Variants in SPOCK3 observed in about 807,000 individuals in gnomAD.
SPOCK3 encodes the protein testican-3.
SPOCK3 carries 30 observed loss-of-function variants against 56.6 expected under a neutral mutation model. That is an observed-to-expected ratio of 0.53 (90% CI 0.40 to 0.72). The LOEUF (loss-of-function observed/expected upper bound fraction) is 0.72. SPOCK3 is among the 30% of genes least tolerant of loss of function. The probability of loss-of-function intolerance (pLI) is 0.00; values close to 1 mark genes in which losing one functional copy is unlikely to be tolerated. For synonymous variants in SPOCK3, 196 were observed against 183.3 expected (o/e 1.07, Z -0.56); for missense variants, 527 against 530.0 (o/e 0.99, Z 0.06).
At chr4:166,991,092 A>G (rs1231732949) in intron 4 of SPOCK3, among the ~76,000 whole-genome samples, 1 of 151,914 alleles carries the variant, frequency 6.6e-6, no homozygotes, top group Non-Finnish European at 1.5e-5. Flanking sequence ...TCTTTTTTTA[A>G]GTCTCCTTAT....
At chr4:166,861,780 T>C (rs922777074) in intron 6 of SPOCK3, among the ~76,000 whole-genome samples, 1 of 152,126 alleles carries the variant, frequency 6.6e-6, no homozygotes, top group Non-Finnish European at 1.5e-5. Context: ...TGTGTTGCAA[T>C]GAAAACTTCA....
At chr4:167,002,167 C>A (rs1749011532) in intron 3 of SPOCK3, among the ~76,000 whole-genome samples, 1 of 152,006 alleles carries the variant, frequency 6.6e-6, no homozygotes, top group Non-Finnish European at 1.5e-5. Flanking sequence ...CCATGTTGGC[C>A]AGGCAGCTCT....
intron 4 of SPOCK3, among the ~76,000 whole-genome samples, chr4:166,990,859 T>C (rs1378895792): frequency 2.6e-5 from 4 of 152,050 alleles, no homozygotes; most frequent in Admixed American, 6.6e-5. Context: ...AGAAATATAA[T>C]TGATGAACTG....
chr4:167,062,221 A>T (rs1755678651), intron 3 of SPOCK3, among the ~76,000 whole-genome samples: 2 of 151,886 alleles, frequency 1.3e-5, no homozygotes, highest in South Asian at 4.1e-4. Flanking sequence ...CTACTGATAA[A>T]AATAAACCTG....
intron 6 of SPOCK3, among the ~76,000 whole-genome samples, chr4:166,819,625 A>G (rs1277596293): frequency 6.6e-6 from 1 of 152,072 alleles, no homozygotes; most frequent in African/African-American, 2.4e-5. Flanking sequence ...TCCATTCACA[A>G]AAGTATCAAA....
intron 4 of SPOCK3, among the ~76,000 whole-genome samples, chr4:166,965,409 T>G (rs1195006507): frequency 6.6e-6 from 1 of 151,656 alleles, no homozygotes; most frequent in Non-Finnish European, 1.5e-5. Flanking sequence ...TTTTTTTGTT[T>G]CTGAAAATCT....
intron 3 of SPOCK3, among the ~76,000 whole-genome samples, chr4:167,009,990 A>G (rs62352379): frequency 2.6e-5 from 4 of 152,144 alleles, no homozygotes; most frequent in Non-Finnish European, 4.4e-5. Flanking sequence ...CTTCAGAGGA[A>G]ATAATAGGGA....
At chr4:167,100,361 A>T (rs1381079848) in intron 2 of SPOCK3, among the ~76,000 whole-genome samples, 1 of 150,856 alleles carries the variant, frequency 6.6e-6, no homozygotes, top group African/African-American at 2.4e-5. Flanking sequence ...AATCAAAAAC[A>T]TCCTGAAGGT....
intron 4 of SPOCK3, among the ~76,000 whole-genome samples, chr4:166,964,337 A>G (rs1015841410): frequency 4.0e-5 from 6 of 151,830 alleles, no homozygotes; most frequent in Admixed American, 1.3e-4. Flanking sequence ...AGATTAACCT[A>G]TGTTGCTATG....
chr4:167,156,608 G>T (rs1361939628), intron 2 of SPOCK3, among the ~76,000 whole-genome samples: 1 of 152,070 alleles, frequency 6.6e-6, no homozygotes, highest in Non-Finnish European at 1.5e-5. Context: ...TGAAATACAG[G>T]ATTTACTTAA....
intron 2 of SPOCK3, among the ~76,000 whole-genome samples, chr4:167,146,165 T>C (rs957339683): frequency 2.0e-5 from 3 of 152,088 alleles, no homozygotes; most frequent in African/African-American, 7.2e-5. Context: ...GCAACCCTAG[T>C]CTCTGATAAA....
intron 8 of SPOCK3, among the ~76,000 whole-genome samples, chr4:166,747,583 G>T (rs1467307607): frequency 6.6e-6 from 1 of 152,308 alleles, no homozygotes; most frequent in East Asian, 1.9e-4. Flanking sequence ...ACAAGACAGG[G>T]ATGCCTTCTC....
chr4:166,936,684 G>A lies in SPOCK3; in HGVS notation c.351-23941C>T, dbSNP rs28549343. ...TAGGTGAGCTGAATTTCTCTACTAC[G>A]TATTTGATTTCTATTTGATTAATGA... is the stretch of plus-strand genomic sequence containing the variant. On this transcript the variant is annotated intron_variant, in intron 4 of 10. Transcript: ENST00000357545. Among the ~76,000 whole-genome samples the A allele has an allele frequency of 4.8e-3, 727 of 151,952 alleles. 3 individuals carry two copies. The highest frequency in any genetic ancestry group is 0.016 in the African/African-American group (682 of 41,460).
At chr4:166,937,937 T>C (rs1410724929) in intron 4 of SPOCK3, among the ~76,000 whole-genome samples, 1 of 147,324 alleles carries the variant, frequency 6.8e-6, no homozygotes. Flanking sequence ...CTAATCTCTT[T>C]TTTTTTTTTT....
chr4:167,054,229 T>C (rs1754543134), intron 3 of SPOCK3, among the ~76,000 whole-genome samples: 1 of 152,232 alleles, frequency 6.6e-6, no homozygotes, highest in Admixed American at 6.5e-5. Context: ...CTAGGAACTT[T>C]ACTGATGTAT....
chr4:167,194,884 C>T (rs1732792846), intron 2 of SPOCK3, among the ~76,000 whole-genome samples: 1 of 152,140 alleles, frequency 6.6e-6, no homozygotes, highest in African/African-American at 2.4e-5. Flanking sequence ...GATATGGCTC[C>T]CACTAGGTAT....
chr4:166,960,603 A>G (rs906823615), intron 4 of SPOCK3, among the ~76,000 whole-genome samples: 2 of 152,192 alleles, frequency 1.3e-5, no homozygotes, highest in Non-Finnish European at 2.9e-5. Context: ...CCTGAGTGTG[A>G]CAATTGGGTT....
intron 3 of SPOCK3, among the ~76,000 whole-genome samples, chr4:167,024,002 T>A (rs1751449198): frequency 6.6e-6 from 1 of 152,042 alleles, no homozygotes; most frequent in Admixed American, 6.6e-5. Flanking sequence ...TCCCTGCTAC[T>A]CCATGTCTGC....
chr4:166,941,295 T>G (rs79883091), intron 4 of SPOCK3, among the ~76,000 whole-genome samples: 63 of 152,290 alleles, frequency 4.1e-4, no homozygotes, highest in African/African-American at 1.4e-3. Flanking sequence ...TTTTCCGTCA[T>G]GATTTTGTCC....
Sources: allele counts gnomAD v4.1 joint callset (sites outside exome capture counted in the v4.1 genomes callset), GRCh38; gene constraint gnomAD v4.1.1; transcripts MANE v1.5; gene names NCBI Gene and HGNC (gene_info 2026-07-23, HGNC 2026-07-21).